Variants in FAM81A observed in about 807,000 individuals in gnomAD.
The protein encoded by FAM81A is protein FAM81A.
Under a neutral mutation model 46.7 loss-of-function variants are expected in FAM81A, and 19 were observed. The ratio of observed to expected loss-of-function variants is 0.41; its 90% CI spans 0.28 to 0.60. FAM81A has a LOEUF of 0.60. Among genes scored for constraint, FAM81A ranks in the 20% least tolerant of loss-of-function variants. The pLI, the probability that FAM81A is intolerant of heterozygous loss-of-function variation, is 0.34. For missense variants in FAM81A, 377 were observed against 453.5 expected (o/e 0.83, Z 1.53); for synonymous variants, 183 against 152.9 (o/e 1.20, Z -1.45).
chr15:59,474,593 A>C (rs2081742166), intron 3 of FAM81A, among the ~76,000 whole-genome samples: 1 of 152,164 alleles, frequency 6.6e-6, no homozygotes, highest in Admixed American at 6.5e-5. Context: ...CACAATGGGG[A>C]TTAAGTTCAA....
At position 59,521,553 on chromosome 15, in the gene FAM81A, G is replaced by A; in HGVS notation, c.*175G>A. ...CCTTGAGTCTTGAAAATACTCTTTT[G>A]TTAAAAGTATGAAATACAGTTTTTA... On this transcript the variant is annotated 3_prime_UTR_variant, in exon 9 of 9. Coordinates refer to ENST00000288228, the MANE Select transcript of FAM81A (RefSeq NM_152450.3). 4.9e-6 allele frequency: 3 copies of A among 609,312 alleles called. No individual in the cohort carries two copies. Among genetic ancestry groups the A allele is most frequent in the Non-Finnish European group, 7.4e-6 (3 of 405,444 alleles). 37.7% of individuals were successfully genotyped at this position (609,312 alleles called of 1,614,324 possible). A position where few individuals can be genotyped will look rare whatever the true frequency, so the allele number is the denominator to read the frequency against.
At chr15:59,456,087 G>A (rs759004184) in intron 1 of FAM81A, among the ~76,000 whole-genome samples, 3 of 152,140 alleles carry the variant, frequency 2.0e-5, no homozygotes, top group Admixed American at 6.5e-5. Context: ...ACAATAAATA[G>A]TATACAAACA....
upstream of FAM81A, among the ~76,000 whole-genome samples, chr15:59,435,214 G>A (rs779360726): frequency 6.6e-6 from 1 of 152,134 alleles, no homozygotes; most frequent in Non-Finnish European, 1.5e-5. Flanking sequence ...TTGAACCCGG[G>A]AGGCAGAGGT....
At chr15:59,412,145 T>G (rs1162825737) in intron 2 of FAM81A, among the ~76,000 whole-genome samples, 5 of 152,106 alleles carry the variant, frequency 3.3e-5, no homozygotes, top group Admixed American at 2.0e-4. Context: ...TGGGCCCAGC[T>G]TCTCTGTTCC....
chr15:59,405,107 A>G (rs1224539610), intron 2 of FAM81A, among the ~76,000 whole-genome samples: 1 of 152,172 alleles, frequency 6.6e-6, no homozygotes, highest in African/African-American at 2.4e-5. Flanking sequence ...ACTTCCTCAG[A>G]GAGGTCTTCC....
chr15:59,478,706 G>A (rs2081806155), intron 3 of FAM81A, among the ~76,000 whole-genome samples: 1 of 152,176 alleles, frequency 6.6e-6, no homozygotes, highest in African/African-American at 2.4e-5. Flanking sequence ...TGACTTCGGG[G>A]GAGAAGACAG....
chr15:59,466,888 G>T (rs1157922873), intron 3 of FAM81A, among the ~76,000 whole-genome samples: 5 of 152,124 alleles, frequency 3.3e-5, no homozygotes, highest in African/African-American at 9.7e-5. Flanking sequence ...TTTGTATAAG[G>T]TGTAAGGAAG....
chr15:59,500,471 T>G (rs2141789050), intron 4 of FAM81A, among the ~76,000 whole-genome samples: 1 of 151,878 alleles, frequency 6.6e-6, no homozygotes, highest in East Asian at 1.9e-4. Context: ...CTAAGTATTT[T>G]TATTTTTATT....
intron 3 of FAM81A, among the ~76,000 whole-genome samples, chr15:59,487,800 T>TAA (rs2081936570): frequency 6.6e-6 from 1 of 152,182 alleles, no homozygotes; most frequent in Non-Finnish European, 1.5e-5. Flanking sequence ...ACCCAATGGC[T>TAA]TCTCTGCTAA....
intron 3 of FAM81A, among the ~76,000 whole-genome samples, chr15:59,491,159 A>G (rs2081976530): frequency 6.6e-6 from 1 of 152,218 alleles, no homozygotes. Flanking sequence ...TTTGGAAGCT[A>G]CCCAAGTGTC....
upstream of FAM81A, among the ~76,000 whole-genome samples, chr15:59,437,645 C>A (rs1053958539): frequency 6.6e-6 from 1 of 152,148 alleles, no homozygotes; most frequent in Non-Finnish European, 1.5e-5. Flanking sequence ...GGTTCGTTCA[C>A]CTGCACAGGT....
chr15:59,436,971 C>A (rs2081247442), upstream of FAM81A, among the ~76,000 whole-genome samples: 1 of 152,136 alleles, frequency 6.6e-6, no homozygotes, highest in Non-Finnish European at 1.5e-5. Context: ...TGTCTCAGGG[C>A]TAAGCATAGT....
chr15:59,402,081 T>A (rs971996229), intron 1 of FAM81A: 21 of 499,080 alleles, frequency 4.2e-5, no homozygotes, highest in African/African-American at 3.9e-4. Flanking sequence ...TAGAGACCCA[T>A]GAGCTGACGC....
At chr15:59,472,894 C>G (rs1481519558) in intron 3 of FAM81A, among the ~76,000 whole-genome samples, 1 of 152,132 alleles carries the variant, frequency 6.6e-6, no homozygotes, top group Non-Finnish European at 1.5e-5. Flanking sequence ...ATGCTGGTAT[C>G]TATATTAAGA....
chr15:59,432,918 G>A (rs1051356539), intron 2 of FAM81A, among the ~76,000 whole-genome samples: 12 of 151,254 alleles, frequency 7.9e-5, no homozygotes, highest in Non-Finnish European at 8.8e-5. Context: ...GGCAGATCAC[G>A]AGGTCAGGAG....
rs540446414 is a variant in FAM81A, at chr15:59,460,610, T to C, written c.294+404T>C. ...ATTAAATGTTTCTAGGTCATAATGA[T>C]TATATGTAATACAGTTTATTACTCA... On this transcript the variant is annotated intron_variant, in intron 3 of 8. Transcript: ENST00000288228. The surrounding 1 kb of genome is among the most constrained non-coding windows in gnomAD (Gnocchi z 4.4). The C allele has an allele frequency of 1.2e-3, 407 of 334,200 alleles. No homozygotes were observed. The highest frequency in any genetic ancestry group is 5.6e-3 in the African/African-American group (262 of 46,746). 20.7% of individuals were successfully genotyped at this position (334,200 alleles called of 1,614,324 possible). A position where few individuals can be genotyped will look rare whatever the true frequency, so the allele number is the denominator to read the frequency against.
intron 3 of FAM81A, among the ~76,000 whole-genome samples, chr15:59,482,764 T>C (rs537707177): frequency 1.1e-4 from 17 of 152,334 alleles, no homozygotes; most frequent in African/African-American, 4.1e-4. Flanking sequence ...AAAGAATAAG[T>C]GTTACTTTCT....
chr15:59,486,093 C>T (rs1307481373), intron 3 of FAM81A, among the ~76,000 whole-genome samples: 8 of 152,136 alleles, frequency 5.3e-5, no homozygotes, highest in Admixed American at 1.3e-4. Flanking sequence ...GCAGGAGAAT[C>T]GCTTGAACCC....
chr15:59,517,105 C>G (rs2082275684), intron 8 of FAM81A, among the ~76,000 whole-genome samples: 1 of 152,104 alleles, frequency 6.6e-6, no homozygotes, highest in South Asian at 2.1e-4. Context: ...TTCTTCAGCA[C>G]CATCGGCCAA....
Sources: allele counts gnomAD v4.1 joint callset (sites outside exome capture counted in the v4.1 genomes callset), GRCh38; gene constraint gnomAD v4.1.1; non-coding constraint Gnocchi (gnomAD v3.1); transcripts MANE v1.5; gene names NCBI Gene and HGNC (gene_info 2026-07-23, HGNC 2026-07-21).